Variants in MSH3 observed in about 807,000 individuals in gnomAD.
MSH3 encodes mutS homolog 3.
MSH3 carries 106 observed loss-of-function variants against 123.3 expected under a neutral mutation model. That is an observed-to-expected ratio of 0.86 (90% CI 0.73 to 1.01). The LOEUF (loss-of-function observed/expected upper bound fraction) is 1.01. MSH3 is among the 50% of genes least tolerant of loss of function. MSH3 has a pLI of 0.00. For missense variants in MSH3, 1,459 were observed against 1,347.6 expected (o/e 1.08, Z -1.29); for synonymous variants, 515 against 481.4 (o/e 1.07, Z -0.91).
chr5:80,869,499 C>G (rs566902431), intron 22 of MSH3, among the ~76,000 whole-genome samples: 1 of 151,976 alleles, frequency 6.6e-6, no homozygotes, highest in Non-Finnish European at 1.5e-5. Context: ...CAACCCCTCT[C>G]GCACACAGAG....
chr5:80,744,884 C>T (rs1743687437), intron 12 of MSH3, among the ~76,000 whole-genome samples: 1 of 150,286 alleles, frequency 6.7e-6, no homozygotes, highest in Admixed American at 6.6e-5. Flanking sequence ...GTTTTGAAGG[C>T]TAGACTGAGG....
rs1446201690 is a variant in MSH3 at position 80,854,334 on chromosome 5, T to C, written c.3000+18T>C. The C allele has an allele frequency of 6.2e-7, 1 of 1,604,408 alleles. No homozygotes were observed. The highest frequency in any genetic ancestry group is 1.3e-5 in the African/African-American group (1 of 74,756). On this transcript the variant is annotated intron_variant, in intron 21 of 23. Transcript: ENST00000265081. ...TCAGAGATGTAAGTATCCGGTAAAC[T>C]GTATTTAAAAAGAAATTAATTTGTA...
intron 20 of MSH3, among the ~76,000 whole-genome samples, chr5:80,841,540 G>A (rs776512544): frequency 3.9e-5 from 6 of 152,254 alleles, no homozygotes; most frequent in Non-Finnish European, 8.8e-5. Context: ...AAGCGTTTCT[G>A]TTTCTTCACA....
intron 8 of MSH3, among the ~76,000 whole-genome samples, chr5:80,705,541 G>C (rs139238311): frequency 3.9e-5 from 6 of 152,284 alleles, no homozygotes; most frequent in African/African-American, 1.2e-4. Context: ...TCTCTCAATA[G>C]GTGTTGACCA....
Position 80,841,829 on chromosome 5 carries a change from C to T in MSH3, c.2814-12301C>T, listed in dbSNP as rs1160291577. On this transcript the variant is annotated intron_variant, in intron 20 of 23. Coordinates refer to ENST00000265081, the MANE Select transcript of MSH3 (RefSeq NM_002439.5). ...AGCCCTTTGTCAGATGGGTAGATTG[C>T]AAAATTTTTCTCCCATTCTGTAGGT... Among the ~76,000 whole-genome samples the T allele has an allele frequency of 2.0e-5, 3 of 152,034 alleles. No individual in the cohort carries two copies. The East Asian group carries it at 5.8e-4, about 29-fold the overall frequency.
chr5:80,683,947 T>C (rs1750027490), intron 8 of MSH3, among the ~76,000 whole-genome samples: 1 of 150,708 alleles, frequency 6.6e-6, no homozygotes, highest in Non-Finnish European at 1.5e-5. Flanking sequence ...AAAGATTCTT[T>C]CCTCAGTGTA....
chr5:80,672,670 A>G, intron 5 of MSH3, 71 bp from the exon 6 acceptor site: 2 of 1,214,802 alleles, frequency 1.6e-6, no homozygotes, highest in East Asian at 2.3e-5. Flanking sequence ...TTGACGTTTA[A>G]ACATTTCGAA....
At chr5:80,838,537 T>G (rs1238715505) in intron 20 of MSH3, among the ~76,000 whole-genome samples, 1 of 152,218 alleles carries the variant, frequency 6.6e-6, no homozygotes, top group African/African-American at 2.4e-5. Flanking sequence ...CCATGAGAAG[T>G]AATTGAAAAG....
rs144012714 is a variant in MSH3 at position 80,665,338 on chromosome 5, A to G, written c.554A>G (p.Asp185Gly). 1.6e-5 allele frequency: 25 copies of G among 1,612,666 alleles called. No individual in the cohort carries two copies. The African/African-American group carries it at 3.2e-4, about 21-fold the overall frequency. Residue 185 changes from aspartate (D) to glycine (G), a missense_variant, in exon 3 of 24, where the codon GAT (aspartate) becomes GGT (glycine). Transcript: ENST00000265081. ...GCAAAGAATGCAGTTTCTTCTGAAGATTCGAAACGTCAAATTAATCAAAAG... is the reference window on the plus strand; with the variant it reads ...GCAAAGAATGCAGTTTCTTCTGAAGGTTCGAAACGTCAAATTAATCAAAAG... ...LHAKNAVSSE[D>G]SKRQINQKDT...
chr5:80,723,072 C>T (rs1161694601), intron 8 of MSH3, among the ~76,000 whole-genome samples: 2 of 149,540 alleles, frequency 1.3e-5, no homozygotes, highest in Admixed American at 6.7e-5. Context: ...CCAGCCTAGG[C>T]GACGGAGTGA....
chr5:80,811,676 G>GT (rs941930310), intron 19 of MSH3, among the ~76,000 whole-genome samples: 12 of 152,092 alleles, frequency 7.9e-5, no homozygotes, highest in Non-Finnish European at 1.6e-4. Context: ...TGCATTTAGA[G>GT]TTTTTCTTGT....
rs1267464368 is a variant in MSH3 at position 80,672,862 on chromosome 5, T to C, written c.1027+4T>C. ...AAATCTACACTTATTGGAGAAGATA[T>C]CCTTTTTGGACGGGAGTTTTTCTCT... On this transcript the variant is annotated splice_donor_region_variant and intron_variant, in intron 6 of 23. Transcript: ENST00000265081. 3.2e-5 allele frequency: 51 copies of C among 1,593,696 alleles called. No individual in the cohort carries two copies. Among genetic ancestry groups the C allele is most frequent in the Non-Finnish European group, 4.1e-5 (48 of 1,161,402 alleles).
intron 12 of MSH3, chr5:80,746,553 G>T: frequency 2.3e-6 from 1 of 432,506 alleles, no homozygotes; most frequent in Non-Finnish European, 4.6e-6. Flanking sequence ...CGACTTTCAG[G>T]AATTGTTGGT....
chr5:80,783,630 T>G (rs1438254914), intron 17 of MSH3, among the ~76,000 whole-genome samples: 1 of 152,162 alleles, frequency 6.6e-6, no homozygotes, highest in Non-Finnish European at 1.5e-5. Flanking sequence ...AAGAATTAGA[T>G]CATCAGAGAT....
intron 19 of MSH3, among the ~76,000 whole-genome samples, chr5:80,800,205 A>G (rs1371922981): frequency 1.3e-5 from 2 of 152,380 alleles, no homozygotes; most frequent in African/African-American, 4.8e-5. Context: ...ATCCAGCAAC[A>G]TAGTCCCTTC....
chr5:80,734,073 A>G (rs1743461216), intron 10 of MSH3, among the ~76,000 whole-genome samples: 1 of 152,258 alleles, frequency 6.6e-6, no homozygotes, highest in South Asian at 2.1e-4. Context: ...TGAAGAATGG[A>G]TACCTAAAAT....
intron 19 of MSH3, among the ~76,000 whole-genome samples, chr5:80,800,567 A>G (rs1201074810): frequency 6.6e-6 from 1 of 152,182 alleles, no homozygotes; most frequent in African/African-American, 2.4e-5. Flanking sequence ...TTTCTTGACC[A>G]TTTCCTTACT....
In MSH3 at chr5:80,670,296, G is replaced by C. The variant is rs142201450; in HGVS notation, c.779G>C (p.Gly260Ala). Residue 260 changes from glycine (G) to alanine (A), a missense_variant, in exon 4 of 24, where the codon GGG (glycine) becomes GCG (alanine). Gly to Ala is a moderately conservative substitution (Grantham distance 60). Transcript: ENST00000265081. The stretch of plus-strand genomic sequence containing the variant: ...TGTGGATATAAGTATAGATTCTTTG[G>C]GGAAGATGCAGAGGTAAGTCGTCTT... ...VECGYKYRFF[G>A]EDAEIAAREL... 5 of 1,614,076 alleles carry C rather than the reference G, an allele frequency of 3.1e-6. No homozygotes were observed. The African/African-American group carries it at 4.0e-5, about 13-fold the overall frequency.
chr5:80,791,687 T>G (rs1246785209), intron 18 of MSH3, among the ~76,000 whole-genome samples: 1 of 152,196 alleles, frequency 6.6e-6, no homozygotes, highest in Non-Finnish European at 1.5e-5. Flanking sequence ...ATCCAGATAG[T>G]AAATGGTGAA....
Sources: allele counts gnomAD v4.1 joint callset (sites outside exome capture counted in the v4.1 genomes callset), GRCh38; gene constraint gnomAD v4.1.1; transcripts MANE v1.5; gene names NCBI Gene and HGNC (gene_info 2026-07-23, HGNC 2026-07-21).